Variants in RBFOX1 observed in about 807,000 individuals in gnomAD.
RBFOX1 encodes the protein RNA binding fox-1 homolog 1.
RBFOX1 carries 8 observed loss-of-function variants against 57.7 expected under a neutral mutation model. The ratio of observed to expected loss-of-function variants is 0.14; its 90% CI spans 0.08 to 0.25. RBFOX1 has a LOEUF of 0.25. RBFOX1 is among the 10% of genes least tolerant of loss of function. RBFOX1 has a pLI of 1.00. For synonymous variants in RBFOX1, 326 were observed against 222.4 expected, an observed-to-expected ratio of 1.47 and a Z score of -4.15; for missense variants, 611 against 548.5, an observed-to-expected ratio of 1.11 and a Z score of -1.14.
chr16:6,547,038 C>G (rs1406466941), intron 2 of RBFOX1, among the ~76,000 whole-genome samples: 2 of 152,202 alleles, frequency 1.3e-5, no homozygotes, highest in East Asian at 3.8e-4. Flanking sequence ...AGTGCCTGAG[C>G]ATGCGTATTA....
chr16:5,431,658 C>T (rs569630209), intron 1 of RBFOX1, among the ~76,000 whole-genome samples: 9 of 152,262 alleles, frequency 5.9e-5, no homozygotes, highest in African/African-American at 1.7e-4. Context: ...CAGGTGTGAG[C>T]CACCGTGCCC....
intron 2 of RBFOX1, among the ~76,000 whole-genome samples, chr16:5,504,878 G>T (rs1382204300): frequency 6.6e-6 from 1 of 152,180 alleles, no homozygotes; most frequent in African/African-American, 2.4e-5. Flanking sequence ...GCCATTCCAG[G>T]AAACTTTCAG....
At chr16:6,595,647 G>T (rs1477537761) in intron 2 of RBFOX1, among the ~76,000 whole-genome samples, 1 of 152,098 alleles carries the variant, frequency 6.6e-6, no homozygotes, top group East Asian at 1.9e-4. Flanking sequence ...GTTTTCCAAC[G>T]TGGGTACCCC....
intron 4 of RBFOX1, among the ~76,000 whole-genome samples, chr16:7,356,232 C>T (rs1463331178): frequency 6.6e-6 from 1 of 152,218 alleles, no homozygotes; most frequent in Middle Eastern, 3.4e-3. Flanking sequence ...GAGTCAAGAC[C>T]CCTGTTTTAC....
intron 3 of RBFOX1, among the ~76,000 whole-genome samples, chr16:6,693,608 A>G (rs2060573746): frequency 6.6e-6 from 1 of 150,942 alleles, no homozygotes; most frequent in Non-Finnish European, 1.5e-5. Context: ...CATCACCACC[A>G]TCATCATCAA....
At chr16:6,916,307 G>A (rs1049622083) in intron 3 of RBFOX1, among the ~76,000 whole-genome samples, 13 of 152,106 alleles carry the variant, frequency 8.5e-5, no homozygotes, top group East Asian at 3.9e-4. Flanking sequence ...TTGTTCATCC[G>A]TTGATGGACA....
At chr16:7,599,205 T>C (rs1434032764) in intron 9 of RBFOX1, among the ~76,000 whole-genome samples, 1 of 152,202 alleles carries the variant, frequency 6.6e-6, no homozygotes, top group East Asian at 1.9e-4. Flanking sequence ...GTAAAAGTAA[T>C]GACTCTGAAA....
At chr16:7,708,404 G>C (rs9940215) in intron 14 of RBFOX1, among the ~76,000 whole-genome samples, 1 of 152,048 alleles carries the variant, frequency 6.6e-6, no homozygotes, top group African/African-American at 2.4e-5. Context: ...ATTAAGATTT[G>C]TTGTTTCAAA....
At chr16:6,221,019 T>A (rs1398009668) in intron 1 of RBFOX1, among the ~76,000 whole-genome samples, 1 of 152,142 alleles carries the variant, frequency 6.6e-6, no homozygotes, top group East Asian at 1.9e-4. Context: ...GTCATTATAT[T>A]AGGTGAAATT....
intron 4 of RBFOX1, among the ~76,000 whole-genome samples, chr16:7,294,231 C>A (rs1470771561): frequency 6.6e-6 from 1 of 152,060 alleles, no homozygotes; most frequent in Non-Finnish European, 1.5e-5. Flanking sequence ...CTGCCGCCTA[C>A]CCTTCCTTGT....
chr16:6,845,179 T>C (rs1387404796), intron 3 of RBFOX1, among the ~76,000 whole-genome samples: 4 of 152,178 alleles, frequency 2.6e-5, no homozygotes, highest in Non-Finnish European at 4.4e-5. Context: ...CTCTTTAGTT[T>C]AATTAGATCC....
intron 4 of RBFOX1, among the ~76,000 whole-genome samples, chr16:7,287,432 A>G (rs1352454035): frequency 6.6e-6 from 1 of 152,086 alleles, no homozygotes; most frequent in Admixed American, 6.5e-5. Flanking sequence ...TCACCATCAA[A>G]CTTGCTCTAA....
chr16:6,478,429 A>ATATATATTTTTTT (rs1159954387), intron 2 of RBFOX1, among the ~76,000 whole-genome samples: 5 of 24,616 alleles, frequency 2.0e-4, no homozygotes, highest in Non-Finnish European at 2.3e-4. Context: ...ATATATATAT[A>ATATATATTTTTTT]TTTTTTTTTT....
At chr16:5,535,889 C>T (rs883076) in intron 2 of RBFOX1, among the ~76,000 whole-genome samples, 60,392 of 151,672 alleles carry the variant, frequency 0.4, 12,964 homozygotes, top group East Asian at 0.85. Context: ...TGAAGAGGGG[C>T]GTACTGTAAG....
At chr16:7,401,109 A>G (rs184400252) in intron 4 of RBFOX1, among the ~76,000 whole-genome samples, 2 of 152,348 alleles carry the variant, frequency 1.3e-5, no homozygotes, top group Admixed American at 1.3e-4. Flanking sequence ...AAGAGAGGGA[A>G]CATGTAATGG....
chr16:7,591,662 G>C (rs1282553201), intron 7 of RBFOX1, among the ~76,000 whole-genome samples: 1 of 152,144 alleles, frequency 6.6e-6, no homozygotes, highest in African/African-American at 2.4e-5. Flanking sequence ...ACTCTGGGAA[G>C]GTGTGTCTCT....
At chr16:6,516,681 C>G (rs917191233) in intron 2 of RBFOX1, among the ~76,000 whole-genome samples, 5 of 152,172 alleles carry the variant, frequency 3.3e-5, no homozygotes, top group African/African-American at 1.2e-4. Flanking sequence ...TCAGTAACAT[C>G]ACCAATTATT....
At chr16:6,691,872 C>T (rs1453000889) in intron 3 of RBFOX1, among the ~76,000 whole-genome samples, 1 of 152,136 alleles carries the variant, frequency 6.6e-6, no homozygotes, top group East Asian at 1.9e-4. Flanking sequence ...AGAGAAGTGA[C>T]AGTGGAAGAA....
intron 1 of RBFOX1, among the ~76,000 whole-genome samples, chr16:6,078,307 A>T (rs1039926352): frequency 1.3e-5 from 2 of 152,236 alleles, no homozygotes; most frequent in African/African-American, 4.8e-5. Context: ...AAGCTTCTCC[A>T]GCCCATGTCC....
Sources: allele counts gnomAD v4.1 joint callset (sites outside exome capture counted in the v4.1 genomes callset), GRCh38; gene constraint gnomAD v4.1.1; transcripts MANE v1.5; gene names NCBI Gene and HGNC (gene_info 2026-07-23, HGNC 2026-07-21).